The following RALGAPA1 variants were observed in gnomAD, a reference collection of about 807,000 sequenced individuals.
RALGAPA1 encodes ral GTPase-activating protein subunit alpha-1.
In RALGAPA1, 52 loss-of-function variants were observed where a neutral mutation model predicts 269.6. The ratio of observed to expected loss-of-function variants is 0.19; its 90% CI spans 0.15 to 0.24. The LOEUF is 0.24. RALGAPA1 is among the 10% of genes least tolerant of loss of function. RALGAPA1 has a pLI of 1.00. For synonymous variants in RALGAPA1, 817 were observed against 1,008.3 expected, an observed-to-expected ratio of 0.81 and a Z score of 3.60; for missense variants, 1,917 against 3,013.9, an observed-to-expected ratio of 0.64 and a Z score of 8.52.
At chr14:35,728,825 T>C (rs939427354) in intron 12 of RALGAPA1, among the ~76,000 whole-genome samples, 30 of 151,966 alleles carry the variant, frequency 2.0e-4, no homozygotes, top group African/African-American at 7.2e-4. Flanking sequence ...CTCTGCCTCC[T>C]AGGTTCAACA....
intron 26 of RALGAPA1, among the ~76,000 whole-genome samples, chr14:35,671,075 C>T (rs1354892578): frequency 1.3e-5 from 2 of 152,068 alleles, no homozygotes; most frequent in African/African-American, 4.8e-5. Flanking sequence ...ATTTGATACA[C>T]ACATACACTG....
chr14:35,772,440 C>T (rs1341970741), intron 3 of RALGAPA1, among the ~76,000 whole-genome samples: 2 of 152,132 alleles, frequency 1.3e-5, no homozygotes, highest in African/African-American at 4.8e-5. Flanking sequence ...AATCTTTACA[C>T]AAATATGTTC....
At chr14:35,623,659 A>C (rs1049795156) in intron 35 of RALGAPA1, among the ~76,000 whole-genome samples, 1 of 152,236 alleles carries the variant, frequency 6.6e-6, no homozygotes, top group Admixed American at 6.5e-5. Context: ...GCAATTTCCC[A>C]ATATACATGG....
intron 29 of RALGAPA1, 57 bp downstream of exon 29, chr14:35,655,750 G>GAA (rs1350768805): frequency 1.1e-5 from 17 of 1,565,398 alleles, no homozygotes; most frequent in African/African-American, 2.8e-5. Flanking sequence ...AATATTTGGA[G>GAA]AAAAAAATAT....
At chr14:35,663,544 A>G (rs1368856277) in intron 27 of RALGAPA1, among the ~76,000 whole-genome samples, 1 of 151,542 alleles carries the variant, frequency 6.6e-6, no homozygotes, top group Admixed American at 6.6e-5. Flanking sequence ...TCTGGCAATT[A>G]CTGTGACAAG....
rs752233789 is a variant in RALGAPA1, at chr14:35,738,601, T to G, written c.1499A>C (p.Lys500Thr). 1.2e-5 allele frequency: 20 copies of G among 1,613,526 alleles called. No individual in the cohort carries two copies. In the South Asian group the frequency reaches 2.2e-4, roughly 18 times the overall value. The change falls in exon 12 of 42, where the codon AAA becomes ACA. Residue 500 changes from lysine to threonine, a missense_variant. This residue lies in a region of RALGAPA1 where 462 missense variants were observed against 725.6 expected (regional missense o/e 0.64). Coordinates refer to ENST00000680220, the MANE Select transcript of RALGAPA1 (RefSeq NM_001346249.2). ...AAGAGCACCTTGGTAGGAGCCGTTT[T>G]TTGCCCAACTGGAATTTCGAACATG... The part of the protein sequence containing the change: ...ADHVRNSSWA[K>T]NGSYQGALHN...
chr14:35,676,101 C>T (rs1174874519), intron 22 of RALGAPA1: 1 of 152,188 alleles, frequency 6.6e-6, no homozygotes, highest in Non-Finnish European at 1.5e-5. Context: ...TCCAGAGCAC[C>T]TTCAAAATAC....
At chr14:35,571,010 C>T (rs2057144191) in intron 38 of RALGAPA1, among the ~76,000 whole-genome samples, 1 of 152,114 alleles carries the variant, frequency 6.6e-6, no homozygotes, top group Non-Finnish European at 1.5e-5. Context: ...AGCCAATTTC[C>T]AAATTTTACT....
chr14:35,674,442 T>A, intron 23 of RALGAPA1, 74 bp downstream of exon 23: 1 of 1,394,816 alleles, frequency 7.2e-7, no homozygotes, highest in Non-Finnish European at 9.7e-7. Context: ...GTGTCACAAA[T>A]GTTTTCTAAG....
chr14:35,680,416 G>A (rs927881440), intron 21 of RALGAPA1, among the ~76,000 whole-genome samples: 2 of 151,286 alleles, frequency 1.3e-5, no homozygotes, highest in African/African-American at 4.9e-5. Flanking sequence ...CACTGTGTTG[G>A]CCAGGCTGGT....
At chr14:35,691,409 T>C (rs1396286199) in intron 17 of RALGAPA1, among the ~76,000 whole-genome samples, 4 of 152,098 alleles carry the variant, frequency 2.6e-5, no homozygotes, top group Non-Finnish European at 4.4e-5. Flanking sequence ...GTCAGCAAAA[T>C]ATAATGAAGA....
intron 39 of RALGAPA1, among the ~76,000 whole-genome samples, chr14:35,555,145 A>G (rs2055477587): frequency 6.6e-6 from 1 of 152,206 alleles, no homozygotes; most frequent in Admixed American, 6.5e-5. Flanking sequence ...AATAAAGCAC[A>G]ATGTATAAAT....
intron 12 of RALGAPA1, among the ~76,000 whole-genome samples, chr14:35,735,398 C>T (rs567040235): frequency 6.6e-5 from 10 of 152,222 alleles, no homozygotes; most frequent in South Asian, 2.1e-4. Context: ...AATGAATTAA[C>T]GGCATTTGCA....
intron 17 of RALGAPA1, among the ~76,000 whole-genome samples, chr14:35,697,071 A>G (rs149972209): frequency 2.8e-4 from 43 of 151,994 alleles, no homozygotes; most frequent in Middle Eastern, 3.4e-3. Context: ...ATTTTCTCTT[A>G]TCTCTTCCAC....
chr14:35,795,384 G>A (rs2076487297), intron 1 of RALGAPA1, among the ~76,000 whole-genome samples: 1 of 152,092 alleles, frequency 6.6e-6, no homozygotes, highest in Non-Finnish European at 1.5e-5. Context: ...TAAGTATGAT[G>A]ATAGTATACT....
intron 13 of RALGAPA1, among the ~76,000 whole-genome samples, chr14:35,725,558 A>G (rs1282908781): frequency 2.0e-5 from 3 of 152,228 alleles, no homozygotes; most frequent in Admixed American, 2.0e-4. Flanking sequence ...GAGAATAACT[A>G]TATCAAATCA....
chr14:35,620,003 T>C (rs1265672364), intron 35 of RALGAPA1, among the ~76,000 whole-genome samples: 1 of 152,052 alleles, frequency 6.6e-6, no homozygotes, highest in Non-Finnish European at 1.5e-5. Flanking sequence ...AAAGAGGGAA[T>C]CCTCCCTAAC....
intron 31 of RALGAPA1, among the ~76,000 whole-genome samples, chr14:35,637,534 AAAGAAAAAAG>A (rs765367824): frequency 3.3e-5 from 5 of 152,184 alleles, no homozygotes; most frequent in Non-Finnish European, 7.3e-5. Context: ...AGAGGCGACA[AAAGAAAAAAG>A]AAGAAAAAAG....
chr14:35,609,867 G>T (rs1489970664), intron 35 of RALGAPA1, among the ~76,000 whole-genome samples: 1 of 150,602 alleles, frequency 6.6e-6, no homozygotes, highest in African/African-American at 2.4e-5. Context: ...GTTCCAGGCT[G>T]CAGTGACCCA....
Sources: allele counts gnomAD v4.1 joint callset (sites outside exome capture counted in the v4.1 genomes callset), GRCh38; gene constraint gnomAD v4.1.1; regional missense constraint gnomAD v4.1.1; transcripts MANE v1.5; gene names NCBI Gene and HGNC (gene_info 2026-07-23, HGNC 2026-07-21).